The following PRKCE variants were observed in gnomAD, a reference collection of about 807,000 sequenced individuals.
PRKCE encodes the protein protein kinase C epsilon type.
In PRKCE, 16 loss-of-function variants were observed where a neutral mutation model predicts 85.4. That is an observed-to-expected ratio of 0.19 (90% CI 0.13 to 0.28). The LOEUF is 0.28. PRKCE is among the 10% of genes least tolerant of loss of function. The probability of loss-of-function intolerance (pLI) is 1.00; values close to 1 mark genes in which losing one functional copy is unlikely to be tolerated. For synonymous variants in PRKCE, 388 were observed against 371.5 expected, an observed-to-expected ratio of 1.04 and a Z score of -0.51; for missense variants, 573 against 975.2, an observed-to-expected ratio of 0.59 and a Z score of 5.49.
chr2:46,002,527 A>G (rs948497134), intron 7 of PRKCE, among the ~76,000 whole-genome samples: 9 of 152,184 alleles, frequency 5.9e-5, no homozygotes, highest in Non-Finnish European at 1.0e-4. Flanking sequence ...CTTCTCTTGT[A>G]TAGGAAAGGT....
At chr2:45,814,678 G>A (rs375994403) in intron 1 of PRKCE, among the ~76,000 whole-genome samples, 1 of 152,212 alleles carries the variant, frequency 6.6e-6, no homozygotes, top group Non-Finnish European at 1.5e-5. Context: ...TGTGAGCCAG[G>A]CATCTTGATT....
chr2:45,988,708 C>T (rs1271168113), intron 6 of PRKCE, among the ~76,000 whole-genome samples: 1 of 152,226 alleles, frequency 6.6e-6, no homozygotes, highest in East Asian at 1.9e-4. Context: ...TCTCTCCAGA[C>T]TCATTCGTGG....
chr2:46,079,470 C>A (rs2103825818), intron 10 of PRKCE, among the ~76,000 whole-genome samples: 1 of 152,282 alleles, frequency 6.6e-6, no homozygotes, highest in East Asian at 1.9e-4. Flanking sequence ...AAAATCTGGG[C>A]CCCCAGGAAA....
At chr2:46,086,444 C>T in intron 11 of PRKCE, 82 bp downstream of exon 11, 1 of 1,479,232 alleles carries the variant, frequency 6.8e-7, no homozygotes, top group Non-Finnish European at 9.1e-7. Context: ...TCAGCTCCTG[C>T]CCACTCGTCT....
chr2:46,066,622 G>A (rs530389291), intron 10 of PRKCE, among the ~76,000 whole-genome samples: 10 of 152,268 alleles, frequency 6.6e-5, no homozygotes, highest in East Asian at 1.9e-4. Context: ...TGTATATCTC[G>A]TAAATTTTCC....
chr2:45,976,029 A>AC (rs1464036277), intron 2 of PRKCE, among the ~76,000 whole-genome samples: 3 of 152,184 alleles, frequency 2.0e-5, no homozygotes, highest in Non-Finnish European at 4.4e-5. Flanking sequence ...ATGCGCTCAG[A>AC]TGCTCAGGGG....
intron 14 of PRKCE, among the ~76,000 whole-genome samples, chr2:46,172,451 A>G (rs1368697979): frequency 6.6e-6 from 1 of 151,986 alleles, no homozygotes; most frequent in Non-Finnish European, 1.5e-5. Flanking sequence ...TCACAGCCAA[A>G]GGAGTGTATA....
chr2:46,013,135 T>A (rs1705829135), intron 10 of PRKCE, among the ~76,000 whole-genome samples: 1 of 152,250 alleles, frequency 6.6e-6, no homozygotes, highest in Non-Finnish European at 1.5e-5. Context: ...TAGAAGGATC[T>A]TAACTTACTT....
intron 1 of PRKCE, among the ~76,000 whole-genome samples, chr2:45,655,882 A>ACTG (rs1282255266): frequency 1.3e-5 from 2 of 148,260 alleles, no homozygotes; most frequent in African/African-American, 2.5e-5. Flanking sequence ...GGTAGGGAGA[A>ACTG]CTGGAAGAAT....
At chr2:46,028,580 C>G (rs1707296917) in intron 10 of PRKCE, among the ~76,000 whole-genome samples, 1 of 152,210 alleles carries the variant, frequency 6.6e-6, no homozygotes, top group Non-Finnish European at 1.5e-5. Context: ...TTGAAAATAA[C>G]AGCTTTCCTT....
chr2:45,795,667 G>A (rs934532988), intron 1 of PRKCE, among the ~76,000 whole-genome samples: 3 of 152,116 alleles, frequency 2.0e-5, no homozygotes, highest in Non-Finnish European at 2.9e-5. Context: ...TTCTCCACCT[G>A]GCCTGAAGGT....
At chr2:45,701,788 T>G (rs1678662825) in intron 1 of PRKCE, among the ~76,000 whole-genome samples, 1 of 152,202 alleles carries the variant, frequency 6.6e-6, no homozygotes. Context: ...CCTCACCTAT[T>G]ACACAGGTGT....
At chr2:45,775,108 G>C (rs528489740) in intron 1 of PRKCE, among the ~76,000 whole-genome samples, 153 of 152,294 alleles carry the variant, frequency 1.0e-3, no homozygotes, top group Admixed American at 1.8e-3. Context: ...TTACATGTCA[G>C]GTGTCGTGGC....
chr2:46,172,673 C>T (rs1344455077), intron 14 of PRKCE, among the ~76,000 whole-genome samples: 1 of 152,246 alleles, frequency 6.6e-6, no homozygotes, highest in Non-Finnish European at 1.5e-5. Flanking sequence ...GGCTTAGATA[C>T]ACAGTCTACA....
At chr2:46,103,909 G>T (rs1359971013) in intron 11 of PRKCE, among the ~76,000 whole-genome samples, 4 of 152,100 alleles carry the variant, frequency 2.6e-5, no homozygotes, top group Admixed American at 2.6e-4. Context: ...TGGAAGGGGA[G>T]GCAGGAGAGA....
At chr2:46,057,688 C>A (rs1387559408) in intron 10 of PRKCE, among the ~76,000 whole-genome samples, 2 of 152,102 alleles carry the variant, frequency 1.3e-5, no homozygotes, top group Non-Finnish European at 2.9e-5. Context: ...CCCGGCTCAG[C>A]CTTCAAATTT....
At chr2:45,954,895 C>A (rs1486659018) in intron 2 of PRKCE, among the ~76,000 whole-genome samples, 1 of 152,152 alleles carries the variant, frequency 6.6e-6, no homozygotes, top group East Asian at 1.9e-4. Context: ...TTTGGTACCC[C>A]ATTGCTTCTC....
chr2:45,822,707 AT>A lies in PRKCE; in HGVS notation c.349-20292del, dbSNP rs776270766. Among the ~76,000 whole-genome samples the A allele has an allele frequency of 3.1e-4, 47 of 152,136 alleles. 1 individual carries two copies. Among genetic ancestry groups the A allele is most frequent in the Non-Finnish European group, 5.1e-4 (35 of 68,020 alleles). On this transcript the variant is annotated intron_variant, in intron 1 of 14. Transcript: ENST00000306156. ...AGGTGCTGTGGGGCAAGACGTCCGAATCCGTGTCACTCACTGAGTGAGTTCC... is the reference window on the plus strand; with the variant it reads ...AGGTGCTGTGGGGCAAGACGTCCGAACCGTGTCACTCACTGAGTGAGTTCC...
chr2:45,758,195 C>G (rs114629899), intron 1 of PRKCE, among the ~76,000 whole-genome samples: 2,212 of 152,260 alleles, frequency 0.015, 66 homozygotes, highest in African/African-American at 0.05. Flanking sequence ...GGTAAATGAC[C>G]TAAGTTCCCT....
Sources: gnomAD v4.1 joint callset for allele counts (sites outside exome capture counted in the v4.1 genomes callset) on GRCh38, gnomAD v4.1.1 for gene constraint, MANE v1.5 for transcripts, NCBI Gene and HGNC (gene_info 2026-07-23, HGNC 2026-07-21) for gene names.